The following OGFRL1 variants were observed in gnomAD, a reference collection of about 807,000 sequenced individuals.
The protein encoded by OGFRL1 is opioid growth factor receptor like 1.
Under a neutral mutation model 32.4 loss-of-function variants are expected in OGFRL1, and 26 were observed. That is an observed-to-expected ratio of 0.80 (90% confidence interval 0.59 to 1.11). OGFRL1 has a LOEUF of 1.11. Among genes scored for constraint, OGFRL1 ranks in the 50% most tolerant of loss-of-function variants. The probability of loss-of-function intolerance (pLI) is 0.00; values close to 1 mark genes in which losing one functional copy is unlikely to be tolerated. For missense variants in OGFRL1, 521 were observed against 546.4 expected, an observed-to-expected ratio of 0.95 and a Z score of 0.46; for synonymous variants, 211 against 201.2, an observed-to-expected ratio of 1.05 and a Z score of -0.41.
chr6:71,289,548 TAAAAAAAAAAAAAAAAAAAAAA>T, intron 1 of OGFRL1: 1 of 539,670 alleles, frequency 1.9e-6, no homozygotes, highest in Non-Finnish European at 2.1e-6. Context: ...GTGTTATTGG[TAAAAAAAAAAAAAAAAAAAAAA>T]AAAAAAAAAA....
rs1249773185 is a variant in OGFRL1 at position 71,296,764 on chromosome 6, T to C, written c.639T>C (p.Thr213=). ...TTGGAATAAAACTGACTGATAAAAC[T>C]GGAAATGTTGCTCGGGCTGTTAACT... The part of the protein sequence containing the change: ...EFFGIKLTDK[T]GNVARAVNWQ... Residue 213 remains threonine (T), a synonymous_variant, in exon 6 of 7, where the codon ACT becomes ACC. Coordinates refer to ENST00000370435, the MANE Select transcript of OGFRL1 (RefSeq NM_024576.5). 8.7e-6 allele frequency: 14 copies of C among 1,613,562 alleles called. No individual in the cohort carries two copies. In the Admixed American group the frequency reaches 1.5e-4, roughly 17 times the overall value.
intron 6 of OGFRL1, 100 bp downstream of exon 6, chr6:71,296,917 C>A: frequency 7.4e-7 from 1 of 1,344,416 alleles, no homozygotes; most frequent in Non-Finnish European, 1.0e-6. Flanking sequence ...ATGAGATGGG[C>A]CCAGGAATTT....
intron 6 of OGFRL1, among the ~76,000 whole-genome samples, chr6:71,300,690 T>G (rs563737288): frequency 6.6e-6 from 1 of 152,288 alleles, no homozygotes; most frequent in East Asian, 1.9e-4. Context: ...CTGTAAGTTG[T>G]GGGCACTTTT....
At chr6:71,295,750 TCTC>T (rs1002088252) in intron 3 of OGFRL1, 1 of 152,256 alleles carries the variant, frequency 6.6e-6, no homozygotes, top group Non-Finnish European at 1.5e-5. Flanking sequence ...TCGTTTTCCT[TCTC>T]CTTTGTTTTC....
Position 71,301,456 on chromosome 6 carries a change from A to AC in OGFRL1, c.763_764insC (p.Lys255ThrfsTer11). On this transcript the variant is annotated frameshift_variant, in exon 7 of 7. Coordinates refer to ENST00000370435, the MANE Select transcript of OGFRL1 (RefSeq NM_024576.5). LOFTEE classifies it low-confidence loss of function (END_TRUNC). ...TGGTGAGCTTGGATATGAAAGTTTTAAATCTCCTCTTGTAAAATTTATTCT... is the reference window on the plus strand; with the variant it reads ...TGGTGAGCTTGGATATGAAAGTTTTACAATCTCCTCTTGTAAAATTTATTCT... The AC allele has an allele frequency of 6.2e-7, 1 of 1,611,554 alleles. No individual in the cohort carries two copies.
At chr6:71,297,017 G>A (rs1766232297) in intron 6 of OGFRL1, among the ~76,000 whole-genome samples, 200 bp downstream of exon 6, 1 of 152,074 alleles carries the variant, frequency 6.6e-6, no homozygotes, top group South Asian at 2.1e-4. Context: ...AAAATTCTAG[G>A]TAGAAACACA....
In OGFRL1 at chr6:71,308,424, T is replaced by G. The variant is rs1766619841; in HGVS notation, c.*6375T>G. 6.6e-6 allele frequency: 1 copy of G among 152,222 alleles called. No homozygotes were observed. Among genetic ancestry groups the G allele is most frequent in the African/African-American group, 2.4e-5 (1 of 41,466 alleles). The allele number at this position is 152,222 out of a possible 1,614,324, so 9.4% of individuals were successfully genotyped here. A position where few individuals can be genotyped will look rare whatever the true frequency, so the allele number is the denominator to read the frequency against. On this transcript the variant is annotated 3_prime_UTR_variant, in exon 7 of 7. Coordinates refer to ENST00000370435, the MANE Select transcript of OGFRL1 (RefSeq NM_024576.5). ...AGTATTATCTAAGAAGGATGGTAGATTATGTCATTTTGGAAACTATTGTGT... is the reference window on the plus strand; with the variant it reads ...AGTATTATCTAAGAAGGATGGTAGAGTATGTCATTTTGGAAACTATTGTGT...
chr6:71,301,647 ACAGTCGGAG>A lies in OGFRL1; in HGVS notation c.955_963del (p.Gln319_Glu321del). 3 of 1,614,208 alleles carry A rather than the reference ACAGTCGGAG, an allele frequency of 1.9e-6. No homozygotes were observed. The highest frequency in any genetic ancestry group is 2.5e-6 in the Non-Finnish European group (3 of 1,180,042). ...TTATCTGGGGACCGCCTCGAAAAGA[ACAGTCGGAG>A]GGAAGCAAAGCCCAGAAAATGTCTT... is the stretch of plus-strand genomic sequence containing the variant. On this transcript the variant is annotated inframe_deletion, in exon 7 of 7. Transcript: ENST00000370435.
Position 71,301,389 on chromosome 6 carries a change from C to G in OGFRL1, c.696C>G (p.Ser232=). Residue 232 remains serine, a synonymous_variant, in exon 7 of 7, where the codon TCC becomes TCG. Transcript: ENST00000370435. The part of the protein sequence containing the change: ...WQERFQHLNE[S]QHNYLRITRI... ...TTTATTCAATCCTCTCTTCCAGGTC[C>G]CAGCACAACTATTTAAGAATCACTC... The G allele has an allele frequency of 6.4e-7, 1 of 1,565,166 alleles. No individual in the cohort carries two copies. Among genetic ancestry groups the G allele is most frequent in the Non-Finnish European group, 8.6e-7 (1 of 1,158,444 alleles).
At chr6:71,292,959 C>T (rs1268273414) in intron 1 of OGFRL1, among the ~76,000 whole-genome samples, 1 of 152,120 alleles carries the variant, frequency 6.6e-6, no homozygotes, top group Non-Finnish European at 1.5e-5. Context: ...GCATAATCAT[C>T]TGGTAAATAA....
At position 71,304,841 on chromosome 6, in the gene OGFRL1, T is replaced by G. The variant is rs958234323; in HGVS notation, c.*2792T>G. On this transcript the variant is annotated 3_prime_UTR_variant, in exon 7 of 7. Coordinates refer to ENST00000370435, the MANE Select transcript of OGFRL1 (RefSeq NM_024576.5). ...TTCTTACATTTAATCCCTAAATAAC[T>G]TAGATAATCATTCAGTGGAGAACAA... 9 of 152,066 alleles carry G rather than the reference T, an allele frequency of 5.9e-5. No homozygotes were observed. The highest frequency in any genetic ancestry group is 2.2e-4 in the African/African-American group (9 of 41,450). 9.4% of individuals were successfully genotyped at this position (152,066 alleles called of 1,614,324 possible).
intron 6 of OGFRL1, among the ~76,000 whole-genome samples, 199 bp downstream of exon 6, chr6:71,297,016 G>A (rs77089065): frequency 0.016 from 2,399 of 152,188 alleles, 25 homozygotes; most frequent in Middle Eastern, 0.024. Flanking sequence ...CAAAATTCTA[G>A]GTAGAAACAC....
chr6:71,290,488 C>G (rs1766013740), intron 1 of OGFRL1, among the ~76,000 whole-genome samples: 1 of 152,216 alleles, frequency 6.6e-6, no homozygotes, highest in Non-Finnish European at 1.5e-5. Context: ...TTCAATCCAA[C>G]TAACCAGGTC....
chr6:71,302,168 T>A lies in OGFRL1; in HGVS notation c.*119T>A. ...TTTAGCCATCTGTTTGTGATTTCTG[T>A]CATAAGCATTTTGTTGTTTGTTTTT... On this transcript the variant is annotated 3_prime_UTR_variant, in exon 7 of 7. Coordinates refer to ENST00000370435, the MANE Select transcript of OGFRL1 (RefSeq NM_024576.5). 3.6e-6 allele frequency: 3 copies of A among 832,106 alleles called. No homozygotes were observed. The highest frequency in any genetic ancestry group is 5.2e-6 in the Non-Finnish European group (3 of 575,988). The allele number at this position is 832,106 out of a possible 1,614,324, so 51.5% of individuals were successfully genotyped here.
At position 71,301,625 on chromosome 6, in the gene OGFRL1, T is replaced by C; in HGVS notation, c.932T>C (p.Ile311Thr). The change falls in exon 7 of 7, where the codon ATC becomes ACC. Residue 311 changes from isoleucine to threonine, a missense_variant. By Grantham distance (89) the Ile-to-Thr change is moderately conservative (BLOSUM62 -1). Transcript: ENST00000370435. The stretch of plus-strand genomic sequence containing the variant: ...CACTACACGCCTTCAGAGAACTTTA[T>C]CTGGGGACCGCCTCGAAAAGAACAG... ...QKHYTPSENFIWGPPRKEQSE... is the reference protein window; with the variant it reads ...QKHYTPSENFTWGPPRKEQSE... 1 of 1,614,154 alleles carries C rather than the reference T, an allele frequency of 6.2e-7. No homozygotes were observed. Among genetic ancestry groups the C allele is most frequent in the Non-Finnish European group, 8.5e-7 (1 of 1,180,038 alleles).
At chr6:71,296,908 TGA>T in intron 6 of OGFRL1, 91 bp downstream of exon 6, 3 of 1,405,526 alleles carry the variant, frequency 2.1e-6, no homozygotes, top group Non-Finnish European at 2.9e-6. Flanking sequence ...AACTAGCAGA[TGA>T]GATGGGCCCA....
intron 1 of OGFRL1, among the ~76,000 whole-genome samples, chr6:71,290,136 C>T (rs897035459): frequency 6.6e-6 from 1 of 152,114 alleles, no homozygotes; most frequent in Non-Finnish European, 1.5e-5. Context: ...CTGTGTTAAA[C>T]GTGTTATTTA....
Position 71,303,812 on chromosome 6 carries a change from T to G in OGFRL1, c.*1763T>G, listed in dbSNP as rs1766468773. Reference sequence around the variant, plus strand: ...AAGAACAATTAATTTTGTTTCTATATTATTACTAATTATTATTACAAATCA... The same window carrying G: ...AAGAACAATTAATTTTGTTTCTATAGTATTACTAATTATTATTACAAATCA... On this transcript the variant is annotated 3_prime_UTR_variant, in exon 7 of 7. Transcript: ENST00000370435. 6.6e-6 allele frequency: 1 copy of G among 152,198 alleles called. No homozygotes were observed. The highest frequency in any genetic ancestry group is 2.4e-5 in the African/African-American group (1 of 41,468). 9.4% of individuals were successfully genotyped at this position (152,198 alleles called of 1,614,324 possible).
In OGFRL1 at chr6:71,307,925, T is replaced by C. The variant is rs75029807; in HGVS notation, c.*5876T>C. The C allele has an allele frequency of 7.2e-5, 11 of 152,306 alleles. No individual in the cohort carries two copies. In the East Asian group the frequency reaches 7.7e-4, roughly 11 times the overall value. The allele number at this position is 152,306 out of a possible 1,614,324, so 9.4% of individuals were successfully genotyped here. A position where few individuals can be genotyped will look rare whatever the true frequency, so the allele number is the denominator to read the frequency against. On this transcript the variant is annotated 3_prime_UTR_variant, in exon 7 of 7. Coordinates refer to ENST00000370435, the MANE Select transcript of OGFRL1 (RefSeq NM_024576.5). ...TAAGTTTGTGTAAGTGCCAGAATTA[T>C]TGGAAGCAGGTGACGAATGATTAAG...
Sources: gnomAD v4.1 joint callset for allele counts (sites outside exome capture counted in the v4.1 genomes callset) on GRCh38, gnomAD v4.1.1 for gene constraint, MANE v1.5 for transcripts, NCBI Gene and HGNC (gene_info 2026-07-23, HGNC 2026-07-21) for gene names.